PRKCE: variants seen among roughly 807,000 people sequenced by gnomAD.
PRKCE encodes protein kinase C epsilon, also known as protein kinase C epsilon type.
PRKCE carries 16 observed loss-of-function variants against 85.4 expected under a neutral mutation model. The ratio of observed to expected loss-of-function variants is 0.19; its 90% CI spans 0.13 to 0.28. The LOEUF is 0.28. PRKCE is among the 10% of genes least tolerant of loss of function. The pLI is 1.00. For missense variants in PRKCE, 573 were observed against 975.2 expected, an observed-to-expected ratio of 0.59 and a Z score of 5.49; for synonymous variants, 388 against 371.5, an observed-to-expected ratio of 1.04 and a Z score of -0.51.
At chr2:46,135,984 C>G (rs933166071) in intron 11 of PRKCE, among the ~76,000 whole-genome samples, 2 of 151,886 alleles carry the variant, frequency 1.3e-5, no homozygotes, top group African/African-American at 4.8e-5. Context: ...GTGCTGGTAC[C>G]ATCTGCCAGA....
At chr2:46,024,911 G>A (rs557591091) in intron 10 of PRKCE, among the ~76,000 whole-genome samples, 1 of 152,172 alleles carries the variant, frequency 6.6e-6, no homozygotes, top group Non-Finnish European at 1.5e-5. Context: ...ACGTTGTCAT[G>A]AATGGTGAAA....
chr2:45,853,193 A>G (rs1457243735), intron 2 of PRKCE, among the ~76,000 whole-genome samples: 1 of 152,158 alleles, frequency 6.6e-6, no homozygotes. Flanking sequence ...AAAGGAGTTG[A>G]GAAGGCATCA....
rs1054775486 is a variant in PRKCE, at chr2:45,719,656, G to T, written c.348+67208G>T. On this transcript the variant is annotated intron_variant, in intron 1 of 14. Coordinates refer to ENST00000306156, the MANE Select transcript of PRKCE (RefSeq NM_005400.3). ...CTATGCACATAATACATGCTATGTA[G>T]CCGTAAAACACACATGGCATTTGGA... is the stretch of plus-strand genomic sequence containing the variant. 4.3e-4 allele frequency among the ~76,000 whole-genome samples: 65 copies of T among 152,182 alleles called. 1 individual carries two copies. The highest frequency in any genetic ancestry group is 1.5e-3 in the African/African-American group (64 of 41,446).
intron 6 of PRKCE, among the ~76,000 whole-genome samples, chr2:45,999,259 CA>C (rs2104711180): frequency 6.6e-6 from 1 of 152,268 alleles, no homozygotes; most frequent in East Asian, 1.9e-4. Flanking sequence ...ACATTTCTTA[CA>C]AGGCAGATCA....
chr2:45,792,530 C>T (rs1687112799), intron 1 of PRKCE, among the ~76,000 whole-genome samples: 1 of 152,124 alleles, frequency 6.6e-6, no homozygotes, highest in African/African-American at 2.4e-5. Flanking sequence ...TCAGCTTGTT[C>T]TGGTGGCTCT....
At chr2:45,918,507 C>T (rs1047648919) in intron 2 of PRKCE, among the ~76,000 whole-genome samples, 1 of 152,126 alleles carries the variant, frequency 6.6e-6, no homozygotes, top group African/African-American at 2.4e-5. Context: ...GAGAACAGGG[C>T]CAGAACAGAA....
At chr2:45,886,001 C>T (rs976035419) in intron 2 of PRKCE, among the ~76,000 whole-genome samples, 1 of 152,214 alleles carries the variant, frequency 6.6e-6, no homozygotes, top group African/African-American at 2.4e-5. Flanking sequence ...GAACGTGAAT[C>T]TTTCCCACTG....
At chr2:46,093,297 C>T (rs1268527038) in intron 11 of PRKCE, among the ~76,000 whole-genome samples, 2 of 152,088 alleles carry the variant, frequency 1.3e-5, no homozygotes, top group East Asian at 3.9e-4. Flanking sequence ...GAATAACTCA[C>T]CCGAGTTTAC....
chr2:45,938,979 C>T (rs1337729282), intron 2 of PRKCE, among the ~76,000 whole-genome samples: 1 of 152,144 alleles, frequency 6.6e-6, no homozygotes, highest in Non-Finnish European at 1.5e-5. Context: ...CTCAGGAATC[C>T]AGCGCAGTAG....
intron 10 of PRKCE, chr2:46,078,689 A>T (rs1668773844): frequency 6.6e-6 from 1 of 151,954 alleles, no homozygotes; most frequent in Non-Finnish European, 1.5e-5. Flanking sequence ...TACCTTCCTC[A>T]TTCCCACATG....
intron 1 of PRKCE, among the ~76,000 whole-genome samples, chr2:45,729,756 C>G (rs900119170): frequency 1.3e-5 from 2 of 152,148 alleles, no homozygotes; most frequent in Non-Finnish European, 2.9e-5. Flanking sequence ...AGCCTGTATG[C>G]TGATGCTGAT....
chr2:46,038,253 C>A (rs1402921919), intron 10 of PRKCE, among the ~76,000 whole-genome samples: 2 of 152,144 alleles, frequency 1.3e-5, no homozygotes, highest in Non-Finnish European at 2.9e-5. Flanking sequence ...AAACGCCACA[C>A]TATTGCAGTT....
intron 2 of PRKCE, among the ~76,000 whole-genome samples, chr2:45,945,820 A>T (rs1225534806): frequency 6.6e-6 from 1 of 152,256 alleles, no homozygotes; most frequent in Non-Finnish European, 1.5e-5. Context: ...CCCTTGACAG[A>T]AAAGAATGAC....
intron 1 of PRKCE, among the ~76,000 whole-genome samples, chr2:45,834,062 G>A (rs1690652333): frequency 6.6e-6 from 1 of 152,202 alleles, no homozygotes; most frequent in Non-Finnish European, 1.5e-5. Flanking sequence ...TCATCAGAGG[G>A]AGCCAGCTCT....
chr2:45,687,675 A>G (rs547829083), intron 1 of PRKCE, among the ~76,000 whole-genome samples: 3 of 152,220 alleles, frequency 2.0e-5, no homozygotes, highest in South Asian at 2.1e-4. Flanking sequence ...TAAGGTGGCA[A>G]TAGGGATTCT....
chr2:46,027,661 C>A (rs1377979724), intron 10 of PRKCE, among the ~76,000 whole-genome samples: 1 of 152,176 alleles, frequency 6.6e-6, no homozygotes, highest in Non-Finnish European at 1.5e-5. Context: ...AAAATTCGAA[C>A]TTTAACAAAA....
chr2:46,008,185 C>T (rs1388352848), intron 9 of PRKCE, among the ~76,000 whole-genome samples: 4 of 152,156 alleles, frequency 2.6e-5, no homozygotes, highest in South Asian at 2.1e-4. Flanking sequence ...ATCCTTTACA[C>T]GTGGCAAGAA....
At chr2:45,669,006 T>C (rs1261331230) in intron 1 of PRKCE, among the ~76,000 whole-genome samples, 1 of 152,172 alleles carries the variant, frequency 6.6e-6, no homozygotes, top group Non-Finnish European at 1.5e-5. Flanking sequence ...CTTAGCCAAA[T>C]AGTCTGCCTC....
chr2:45,808,896 C>T (rs1225025608), intron 1 of PRKCE, among the ~76,000 whole-genome samples: 1 of 152,150 alleles, frequency 6.6e-6, no homozygotes, highest in African/African-American at 2.4e-5. Flanking sequence ...TGGGCATGAA[C>T]AGAGCTATAG....
Sources: allele counts gnomAD v4.1 joint callset (sites outside exome capture counted in the v4.1 genomes callset), GRCh38; gene constraint gnomAD v4.1.1; transcripts MANE v1.5; gene names NCBI Gene and HGNC (gene_info 2026-07-23, HGNC 2026-07-21).